OPCML: variants seen among roughly 807,000 people sequenced by gnomAD.
OPCML encodes opioid-binding protein/cell adhesion molecule.
In OPCML, 13 loss-of-function variants were observed where a neutral mutation model predicts 37.8. That is an observed-to-expected ratio of 0.34 (90% CI 0.22 to 0.55). The LOEUF (loss-of-function observed/expected upper bound fraction) is 0.55. OPCML is among the 20% of genes least tolerant of loss of function. The pLI, the probability that OPCML is intolerant of heterozygous loss-of-function variation, is 0.91. For missense variants in OPCML, 341 were observed against 435.6 expected, an observed-to-expected ratio of 0.78 and a Z score of 1.93; for synonymous variants, 176 against 168.8, an observed-to-expected ratio of 1.04 and a Z score of -0.33.
intron 4 of OPCML, among the ~76,000 whole-genome samples, chr11:132,482,752 A>C (rs1471205463): frequency 6.6e-6 from 1 of 152,094 alleles, no homozygotes; most frequent in African/African-American, 2.4e-5. Context: ...CTGGGATGCA[A>C]GGCTGGTTCA....
intron 4 of OPCML, among the ~76,000 whole-genome samples, chr11:132,528,343 T>C (rs775037514): frequency 3.5e-4 from 53 of 152,210 alleles, no homozygotes; most frequent in Non-Finnish European, 4.7e-4. Flanking sequence ...TTGTTTCTTG[T>C]ATAATTCCTA....
intron 1 of OPCML, among the ~76,000 whole-genome samples, chr11:132,972,345 C>T (rs986385724): frequency 9.2e-5 from 14 of 152,280 alleles, no homozygotes; most frequent in African/African-American, 3.1e-4. Context: ...AAACAAGTTG[C>T]GGTGTATTCT....
In OPCML at chr11:133,440,354, G is replaced by A. The variant is rs191710560; in HGVS notation, c.61+91910C>T. On this transcript the variant is annotated intron_variant, in intron 1 of 7. Coordinates refer to ENST00000524381, the MANE Select transcript of OPCML (RefSeq NM_001012393.5). ...GCATAGGTTGCGGTGAGCCAAGATC[G>A]CGCCATTGCACTCCAGCCTGGGCAA... is the stretch of plus-strand genomic sequence containing the variant. 1.4e-3 allele frequency among the ~76,000 whole-genome samples: 195 copies of A among 141,474 alleles called. 2 individuals carry two copies. The highest frequency in any genetic ancestry group is 4.8e-3 in the African/African-American group (183 of 37,952). 92.8% of individuals were successfully genotyped at this position (141,474 alleles called of 152,430 possible).
chr11:132,452,361 A>G (rs2096070460), intron 4 of OPCML, among the ~76,000 whole-genome samples: 1 of 152,146 alleles, frequency 6.6e-6, no homozygotes, highest in Non-Finnish European at 1.5e-5. Flanking sequence ...AGTCCCCACC[A>G]GTGGCAGACT....
intron 4 of OPCML, among the ~76,000 whole-genome samples, chr11:132,483,463 A>T (rs1040433833): frequency 1.6e-4 from 24 of 152,304 alleles, no homozygotes; most frequent in African/African-American, 4.3e-4. Flanking sequence ...GGTAGGAAGA[A>T]TCAATATCAT....
intron 1 of OPCML, among the ~76,000 whole-genome samples, chr11:133,214,544 A>G (rs1179000664): frequency 6.6e-6 from 1 of 152,240 alleles, no homozygotes; most frequent in African/African-American, 2.4e-5. Flanking sequence ...ATAATTTTTC[A>G]GACTGGTATT....
chr11:133,055,655 G>A (rs111581608), intron 1 of OPCML, among the ~76,000 whole-genome samples: 37 of 133,258 alleles, frequency 2.8e-4, no homozygotes, highest in East Asian at 1.5e-3. Context: ...TGAGGGAGCC[G>A]CCTCTACCAT....
intron 1 of OPCML, chr11:133,421,425 C>T (rs1208239983): frequency 2.0e-6 from 2 of 985,314 alleles, no homozygotes; most frequent in African/African-American, 3.5e-5. Context: ...GTGTATGTTT[C>T]TCACTAGTTG....
intron 2 of OPCML, among the ~76,000 whole-genome samples, chr11:132,696,449 G>A (rs1943602210): frequency 6.6e-6 from 1 of 152,104 alleles, no homozygotes; most frequent in South Asian, 2.1e-4. Flanking sequence ...ACAGGAGAAA[G>A]TATTTTTTAA....
intron 2 of OPCML, among the ~76,000 whole-genome samples, chr11:132,747,500 A>G (rs1361868399): frequency 6.6e-6 from 1 of 152,148 alleles, no homozygotes; most frequent in Non-Finnish European, 1.5e-5. Context: ...CAACACAGAG[A>G]AATTTTGGTG....
intron 3 of OPCML, among the ~76,000 whole-genome samples, chr11:132,578,602 G>C (rs2096455906): frequency 6.6e-6 from 1 of 152,142 alleles, no homozygotes; most frequent in African/African-American, 2.4e-5. Flanking sequence ...ATATTAAACA[G>C]TTCACTAAGC....
chr11:133,399,432 T>C lies in OPCML; in HGVS notation c.61+132832A>G, dbSNP rs930197510. On this transcript the variant is annotated intron_variant, in intron 1 of 7. Transcript: ENST00000524381. ...ACAGCTAACATGTCTAACACAGTGCTGGATCTACAGCAAGCTCTTGATGAA... is the reference window on the plus strand; with the variant it reads ...ACAGCTAACATGTCTAACACAGTGCCGGATCTACAGCAAGCTCTTGATGAA... Among the ~76,000 whole-genome samples the C allele has an allele frequency of 1.6e-4, 25 of 152,294 alleles. 1 individual carries two copies. The highest frequency in any genetic ancestry group is 4.1e-4 in the South Asian group (2 of 4,826).
At chr11:132,987,108 C>A (rs1206119478) in intron 1 of OPCML, among the ~76,000 whole-genome samples, 2 of 152,156 alleles carry the variant, frequency 1.3e-5, no homozygotes, top group Admixed American at 1.3e-4. Context: ...CACTTCCTGA[C>A]AACTAATGTG....
At chr11:132,761,401 T>C (rs1410424942) in intron 2 of OPCML, among the ~76,000 whole-genome samples, 1 of 152,152 alleles carries the variant, frequency 6.6e-6, no homozygotes, top group East Asian at 1.9e-4. Context: ...CGAAGTGTGT[T>C]TTCCAACTTG....
intron 3 of OPCML, among the ~76,000 whole-genome samples, chr11:132,608,783 G>A (rs1456194391): frequency 6.6e-6 from 1 of 152,106 alleles, no homozygotes; most frequent in African/African-American, 2.4e-5. Flanking sequence ...TAGATATACA[G>A]GTATTCCAAA....
chr11:133,218,102 G>A (rs551315801), intron 1 of OPCML, among the ~76,000 whole-genome samples: 38 of 151,636 alleles, frequency 2.5e-4, no homozygotes, highest in African/African-American at 4.8e-4. Flanking sequence ...GCTTCACGCC[G>A]GGGTTTTGTG....
rs543707096 is a variant in OPCML, at chr11:133,435,112, T to C, written c.61+97152A>G. ...AGCTTTATAAATTACTTGAGTTCTG[T>C]ATTTATAGAATCATTAAGGGTCCAA... is the stretch of plus-strand genomic sequence containing the variant. On this transcript the variant is annotated intron_variant, in intron 1 of 7. Coordinates refer to ENST00000524381, the MANE Select transcript of OPCML (RefSeq NM_001012393.5). Among the ~76,000 whole-genome samples the C allele has an allele frequency of 3.0e-3, 452 of 152,188 alleles. 2 individuals are homozygous for C. Among genetic ancestry groups the C allele is most frequent in the African/African-American group, 0.01 (432 of 41,542 alleles).
intron 1 of OPCML, among the ~76,000 whole-genome samples, chr11:133,144,559 G>A (rs537504921): frequency 2.0e-5 from 3 of 152,284 alleles, no homozygotes; most frequent in South Asian, 2.1e-4. Flanking sequence ...CTGTGCTTTC[G>A]GCACATGGGA....
intron 1 of OPCML, among the ~76,000 whole-genome samples, chr11:133,475,312 A>C (rs188556686): frequency 6.6e-6 from 1 of 152,102 alleles, no homozygotes; most frequent in Non-Finnish European, 1.5e-5. Context: ...CAAATGCAAC[A>C]AACAGTCACC....
Sources: gnomAD v4.1 joint callset for allele counts (sites outside exome capture counted in the v4.1 genomes callset) on GRCh38, gnomAD v4.1.1 for gene constraint, MANE v1.5 for transcripts, NCBI Gene and HGNC (gene_info 2026-07-23, HGNC 2026-07-21) for gene names.